Variants in CTTNBP2NL observed in about 807,000 individuals in gnomAD.
The protein encoded by CTTNBP2NL is CTTNBP2 N-terminal like.
CTTNBP2NL carries 16 observed loss-of-function variants against 32.5 expected under a neutral mutation model. The observed-to-expected ratio is 0.49, with a 90% CI of 0.33 to 0.75. The LOEUF (loss-of-function observed/expected upper bound fraction) is 0.75. Among genes scored for constraint, CTTNBP2NL ranks in the 30% least tolerant of loss-of-function variants. The pLI, the probability that CTTNBP2NL is intolerant of heterozygous loss-of-function variation, is 0.02. For missense variants in CTTNBP2NL, 645 were observed against 756.0 expected (o/e 0.85, Z 1.72); for synonymous variants, 298 against 289.4 (o/e 1.03, Z -0.30).
intron 3 of CTTNBP2NL, among the ~76,000 whole-genome samples, chr1:112,446,197 G>GA (rs71723384): frequency 0.29 from 42,437 of 144,306 alleles, 7,506 homozygotes; most frequent in African/African-American, 0.49. Flanking sequence ...TAAAAAAGTG[G>GA]AAAAAAAAAA....
upstream of CTTNBP2NL, chr1:112,396,085 G>A (rs561918178): frequency 6.6e-6 from 1 of 152,376 alleles, no homozygotes; most frequent in South Asian, 2.1e-4. Flanking sequence ...CCCGGGAGGA[G>A]CCTGAATGAC....
chr1:112,416,125 T>G, intron 2 of CTTNBP2NL, 32 bp from the exon 3 acceptor site: 6 of 1,100,582 alleles, frequency 5.5e-6, no homozygotes, highest in Non-Finnish European at 8.3e-6. Context: ...ACTATGTCTT[T>G]GGAGATTGTC....
Position 112,456,416 on chromosome 1 carries a change from G to A in CTTNBP2NL, c.924G>A (p.Met308Ile). ...KGTATEPLML[M>I]SVFCQTESFP... ...CAGCAACTGAGCCTCTCATGCTAAT[G>A]TCTGTGTTTTGCCAAACAGAGAGTT... is the stretch of plus-strand genomic sequence containing the variant. Residue 308 changes from methionine (M) to isoleucine (I), a missense_variant, in exon 6 of 6, where the codon ATG becomes ATA. Coordinates refer to ENST00000271277, the MANE Select transcript of CTTNBP2NL (RefSeq NM_018704.3). 6 of 1,614,114 alleles carry A rather than the reference G, an allele frequency of 3.7e-6. No individual in the cohort carries two copies. The highest frequency in any genetic ancestry group is 5.1e-6 in the Non-Finnish European group (6 of 1,180,034).
At position 112,456,965 on chromosome 1, in the gene CTTNBP2NL, C is replaced by T. The variant is rs1650386781; in HGVS notation, c.1473C>T (p.Leu491=). The part of the protein sequence containing the change: ...SPPSRDLSPT[L]IDNSAAKQLA... The stretch of plus-strand genomic sequence containing the variant: ...CATCCAGGGATTTATCCCCCACCCT[C>T]ATAGACAACTCTGCCGCCAAGCAGC... The change falls in exon 6 of 6, where the codon CTC becomes CTT. Residue 491 remains leucine (L), a synonymous_variant. Coordinates refer to ENST00000271277, the MANE Select transcript of CTTNBP2NL (RefSeq NM_018704.3). The T allele has an allele frequency of 2.5e-6, 4 of 1,614,144 alleles. No homozygotes were observed. Among genetic ancestry groups the T allele is most frequent in the Non-Finnish European group, 3.4e-6 (4 of 1,180,036 alleles).
chr1:112,402,900 A>G (rs1648547154), intron 1 of CTTNBP2NL, among the ~76,000 whole-genome samples: 1 of 152,068 alleles, frequency 6.6e-6, no homozygotes, highest in Admixed American at 6.5e-5. Flanking sequence ...ATAACTTCTC[A>G]TTCAGCCTGT....
chr1:112,402,234 C>A (rs1648527515), intron 1 of CTTNBP2NL, among the ~76,000 whole-genome samples: 1 of 152,086 alleles, frequency 6.6e-6, no homozygotes, highest in African/African-American at 2.4e-5. Flanking sequence ...GCCTGACCAA[C>A]ATGGAGAAAC....
intron 3 of CTTNBP2NL, among the ~76,000 whole-genome samples, chr1:112,431,502 G>A (rs1649567686): frequency 6.6e-6 from 1 of 152,204 alleles, no homozygotes; most frequent in African/African-American, 2.4e-5. Context: ...TGAACTGGGA[G>A]TTTTATTATG....
chr1:112,391,962 G>A (rs1438387538), upstream of CTTNBP2NL, among the ~76,000 whole-genome samples: 2 of 150,836 alleles, frequency 1.3e-5, no homozygotes, highest in Admixed American at 1.3e-4. Context: ...CTGCACTCCA[G>A]TCTGGGCAAC....
chr1:112,446,895 C>G (rs1650059477), intron 3 of CTTNBP2NL, among the ~76,000 whole-genome samples: 1 of 152,096 alleles, frequency 6.6e-6, no homozygotes, highest in Non-Finnish European at 1.5e-5. Flanking sequence ...GGTTCTGGAG[C>G]TGATCTTTTC....
chr1:112,398,379 A>C (rs1363188201), intron 1 of CTTNBP2NL, among the ~76,000 whole-genome samples: 1 of 152,128 alleles, frequency 6.6e-6, no homozygotes, highest in Admixed American at 6.6e-5. Context: ...TTGAATTATA[A>C]ATTCTTTGAG....
chr1:112,413,474 C>A (rs2100999851), intron 2 of CTTNBP2NL, among the ~76,000 whole-genome samples: 1 of 152,164 alleles, frequency 6.6e-6, no homozygotes, highest in East Asian at 1.9e-4. Flanking sequence ...TCATAGCAGC[C>A]CTATGAGTTA....
chr1:112,446,119 G>T (rs1387413945), intron 3 of CTTNBP2NL, among the ~76,000 whole-genome samples: 2 of 151,714 alleles, frequency 1.3e-5, no homozygotes, highest in Non-Finnish European at 2.9e-5. Context: ...TAGTATTTCA[G>T]CTGCATAAAG....
chr1:112,449,086 A>C lies in CTTNBP2NL; in HGVS notation c.244A>C (p.Ile82Leu), dbSNP rs1352058424. 1 of 1,613,668 alleles carries C rather than the reference A, an allele frequency of 6.2e-7. No individual in the cohort carries two copies. Among genetic ancestry groups the C allele is most frequent in the Non-Finnish European group, 8.5e-7 (1 of 1,179,544 alleles). ...GCCAGTCTGCACAAATCCACTCTCT[A>C]TTCTTAAGGTTGTGATGAAGCAGTG... ...KQPVCTNPLSILKVVMKQCKN... is the reference protein window; with the variant it reads ...KQPVCTNPLSLLKVVMKQCKN... The change falls in exon 4 of 6, where the codon ATT (isoleucine) becomes CTT (leucine). Residue 82 changes from isoleucine to leucine, a missense_variant. By Grantham distance (5) the Ile-to-Leu change is conservative. Coordinates refer to ENST00000271277, the MANE Select transcript of CTTNBP2NL (RefSeq NM_018704.3).
At chr1:112,442,832 A>G (rs568964336) in intron 3 of CTTNBP2NL, among the ~76,000 whole-genome samples, 2 of 152,118 alleles carry the variant, frequency 1.3e-5, no homozygotes, top group African/African-American at 2.4e-5. Flanking sequence ...CTGGGATTAC[A>G]GGCGCCCACC....
intron 5 of CTTNBP2NL, 80 bp from the exon 6 acceptor site, chr1:112,455,851 G>A: frequency 1.9e-6 from 2 of 1,026,588 alleles, no homozygotes; most frequent in Non-Finnish European, 2.8e-6. Context: ...TGTTAATCCT[G>A]TATACCAGAG....
intron 3 of CTTNBP2NL, among the ~76,000 whole-genome samples, chr1:112,428,353 G>A (rs1003434782): frequency 3.9e-5 from 6 of 152,056 alleles, no homozygotes; most frequent in Admixed American, 3.9e-4. Flanking sequence ...AGATACTTTA[G>A]CCTTCTATTA....
chr1:112,420,873 C>G lies in CTTNBP2NL; in HGVS notation c.99+4609C>G, dbSNP rs74112705. The stretch of plus-strand genomic sequence containing the variant: ...CTTCAAAACCATCAACCAGAACATT[C>G]AATTAAGTGTAGCTGTTAGGAATGT... On this transcript the variant is annotated intron_variant, in intron 3 of 5. Coordinates refer to ENST00000271277, the MANE Select transcript of CTTNBP2NL (RefSeq NM_018704.3). 9.1e-3 allele frequency among the ~76,000 whole-genome samples: 1,382 copies of G among 152,282 alleles called. 25 individuals carry two copies. The highest frequency in any genetic ancestry group is 0.031 in the African/African-American group (1,291 of 41,552).
At chr1:112,427,379 A>G (rs917768140) in intron 3 of CTTNBP2NL, among the ~76,000 whole-genome samples, 1 of 152,190 alleles carries the variant, frequency 6.6e-6, no homozygotes, top group Non-Finnish European at 1.5e-5. Flanking sequence ...ATAAGTAAAC[A>G]TAGTATTGCT....
intron 1 of CTTNBP2NL, among the ~76,000 whole-genome samples, chr1:112,405,790 CAGAG>C (rs1340597446): frequency 1.3e-5 from 2 of 152,174 alleles, no homozygotes. Flanking sequence ...TTCACACTCA[CAGAG>C]AGATATAGCA....
Sources: gnomAD v4.1 joint callset for allele counts (sites outside exome capture counted in the v4.1 genomes callset) on GRCh38, gnomAD v4.1.1 for gene constraint, MANE v1.5 for transcripts, NCBI Gene and HGNC (gene_info 2026-07-23, HGNC 2026-07-21) for gene names.